Variants in USP37 observed in about 807,000 individuals in gnomAD.
The protein encoded by USP37 is ubiquitin specific peptidase 37.
A neutral mutation model predicts 124.0 loss-of-function variants in USP37; 27 were observed. That is an observed-to-expected ratio of 0.22 (90% confidence interval 0.16 to 0.30). The LOEUF is 0.30. Among genes scored for constraint, USP37 ranks in the 10% least tolerant of loss-of-function variants. The probability of loss-of-function intolerance (pLI) is 1.00; values close to 1 mark genes in which losing one functional copy is unlikely to be tolerated. For synonymous variants in USP37, 365 were observed against 388.0 expected (o/e 0.94, Z 0.70); for missense variants, 889 against 1,140.4 (o/e 0.78, Z 3.17).
chr2:218,486,725 T>C (rs569341378), intron 15 of USP37, among the ~76,000 whole-genome samples: 26 of 152,128 alleles, frequency 1.7e-4, no homozygotes, highest in Non-Finnish European at 3.5e-4. Flanking sequence ...GCCAGATTTT[T>C]TATTTTTTTT....
chr2:218,516,369 A>T (rs1574912694), intron 10 of USP37, among the ~76,000 whole-genome samples: 1 of 152,194 alleles, frequency 6.6e-6, no homozygotes, highest in South Asian at 2.1e-4. Flanking sequence ...CATAAAGAAG[A>T]ATGAGTTCAT....
intron 5 of USP37, among the ~76,000 whole-genome samples, chr2:218,550,905 T>A (rs1248116700): frequency 3.9e-5 from 6 of 152,210 alleles, no homozygotes; most frequent in African/African-American, 7.2e-5. Flanking sequence ...TCTTCCTTTG[T>A]CTTTTGTTCC....
In USP37 at chr2:218,553,586, G is replaced by C. The variant is rs1360958048; in HGVS notation, c.295C>G (p.Leu99Val). The C allele has an allele frequency of 1.2e-6, 2 of 1,613,798 alleles. No homozygotes were observed. The highest frequency in any genetic ancestry group is 1.7e-6 in the Non-Finnish European group (2 of 1,179,854). ...AGTCTGTTTTGATGGACTGCATCTA[G>C]AAACAACCTCATTTCCTCTGCATCC... ...SKDAEEMRLF[L>V]DAVHQNRLPA... Residue 99 changes from leucine (L) to valine (V), a missense_variant, in exon 5 of 26, where the codon CTA becomes GTA. Physicochemically the swap from Leu to Val is conservative, Grantham distance 32. This residue lies in a region of USP37 where 374 missense variants were observed against 386.0 expected (regional missense o/e 0.97). Coordinates refer to ENST00000258399, the MANE Select transcript of USP37 (RefSeq NM_020935.3).
At chr2:218,498,269 A>AC in intron 11 of USP37, 112 bp from the exon 12 acceptor site, 1 of 1,072,264 alleles carries the variant, frequency 9.3e-7, no homozygotes, top group Non-Finnish European at 1.3e-6. Context: ...GGCTTGTTAA[A>AC]CTACATATTA....
intron 8 of USP37, among the ~76,000 whole-genome samples, chr2:218,540,354 A>C (rs1691907347): frequency 6.6e-6 from 1 of 152,092 alleles, no homozygotes; most frequent in African/African-American, 2.4e-5. Flanking sequence ...CCTATGAATT[A>C]GGGCCAGGTG....
intron 20 of USP37, among the ~76,000 whole-genome samples, chr2:218,467,358 T>TCTA (rs1553538435): frequency 5.7e-5 from 8 of 141,240 alleles, no homozygotes; most frequent in Non-Finnish European, 1.2e-4. Context: ...TATCTATCTA[T>TCTA]TTTTTTTTGA....
intron 6 of USP37, among the ~76,000 whole-genome samples, chr2:218,548,235 AAT>A (rs1295897096): frequency 6.6e-6 from 1 of 152,144 alleles, no homozygotes; most frequent in Non-Finnish European, 1.5e-5. Context: ...AATACAAATC[AAT>A]ATTTTACTTT....
rs55656029 is a variant in USP37 at position 218,467,315 on chromosome 2, A to ATATCTATCTATC, written c.2300-1151_2300-1140dup. On this transcript the variant is annotated intron_variant, in intron 20 of 25. Coordinates refer to ENST00000258399, the MANE Select transcript of USP37 (RefSeq NM_020935.3). ...GCCCGCCACCATGCCCAGCTAATCT[A>ATATCTATCTATC]TATCTATCTATCTATCTATCTATCT... Among the ~76,000 whole-genome samples the ATATCTATCTATC allele has an allele frequency of 9.2e-3, 1,298 of 141,712 alleles. 13 individuals carry two copies. The highest frequency in any genetic ancestry group is 0.022 in the East Asian group (102 of 4,742). The allele number at this position is 141,712 out of a possible 152,430, so 93.0% of individuals were successfully genotyped here.
At chr2:218,538,445 T>C (rs1340467876) in intron 8 of USP37, among the ~76,000 whole-genome samples, 1 of 152,220 alleles carries the variant, frequency 6.6e-6, no homozygotes, top group Non-Finnish European at 1.5e-5. Context: ...TGATCTGTTT[T>C]ACATGTTAAT....
At chr2:218,464,743 A>G (rs1443171052) in intron 21 of USP37, among the ~76,000 whole-genome samples, 1 of 152,192 alleles carries the variant, frequency 6.6e-6, no homozygotes, top group Non-Finnish European at 1.5e-5. Flanking sequence ...ACAGTGGAAA[A>G]CAAATGGCAT....
intron 8 of USP37, among the ~76,000 whole-genome samples, chr2:218,541,493 G>A (rs1691971623): frequency 6.6e-6 from 1 of 152,198 alleles, no homozygotes; most frequent in Non-Finnish European, 1.5e-5. Flanking sequence ...AACAACCACA[G>A]TCTGACAAGC....
At chr2:218,531,483 T>A (rs563638897) in intron 9 of USP37, among the ~76,000 whole-genome samples, 1 of 152,234 alleles carries the variant, frequency 6.6e-6, no homozygotes, top group African/African-American at 2.4e-5. Context: ...AGAGCTCTGA[T>A]GGAGACATAC....
chr2:218,536,017 CAAAAAAAAAAAAAA>C (rs59248363), intron 8 of USP37, among the ~76,000 whole-genome samples: 3 of 80,832 alleles, frequency 3.7e-5, no homozygotes, highest in Admixed American at 1.8e-4. Context: ...GACTTCATCT[CAAAAAAAAAAAAAA>C]AAAAAAAAAA....
intron 5 of USP37, among the ~76,000 whole-genome samples, chr2:218,551,940 T>G (rs894987450): frequency 3.9e-5 from 6 of 151,964 alleles, no homozygotes; most frequent in African/African-American, 1.2e-4. Flanking sequence ...CTACAGGCAC[T>G]CGCCACCATG....
At chr2:218,508,269 T>A (rs1689786142) in intron 11 of USP37, among the ~76,000 whole-genome samples, 1 of 146,480 alleles carries the variant, frequency 6.8e-6, no homozygotes, top group Non-Finnish European at 1.5e-5. Flanking sequence ...TCTACTCAGT[T>A]TTTTTTTCTT....
chr2:218,480,868 A>T (rs1691237248), intron 17 of USP37, among the ~76,000 whole-genome samples: 1 of 152,212 alleles, frequency 6.6e-6, no homozygotes. Flanking sequence ...CTGTGAGAGG[A>T]AAAAACCAGA....
intron 10 of USP37, among the ~76,000 whole-genome samples, chr2:218,510,814 G>A (rs1689941740): frequency 6.6e-6 from 1 of 152,018 alleles, no homozygotes; most frequent in Admixed American, 6.6e-5. Context: ...GCAACCTGGC[G>A]AAACTCCATC....
Position 218,488,441 on chromosome 2 carries a change from C to A in USP37, c.1473-20G>T, listed in dbSNP as rs778969240. On this transcript the variant is annotated intron_variant, in intron 14 of 25. Coordinates refer to ENST00000258399, the MANE Select transcript of USP37 (RefSeq NM_020935.3). ...CCACATCTGTAAGAATAAAATGAGA[C>A]ATGTAAGCATTTAGACCAATACACA... The A allele has an allele frequency of 2.0e-6, 3 of 1,509,988 alleles. No individual in the cohort carries two copies. The highest frequency in any genetic ancestry group is 2.7e-6 in the Non-Finnish European group (3 of 1,100,794). The allele number at this position is 1,509,988 out of a possible 1,614,324, so 93.5% of individuals were successfully genotyped here.
intron 5 of USP37, among the ~76,000 whole-genome samples, chr2:218,550,824 T>A (rs1692631053): frequency 6.6e-6 from 1 of 152,080 alleles, no homozygotes; most frequent in East Asian, 1.9e-4. Context: ...CTACTAGTTT[T>A]TTTTTAATTG....
Sources: gnomAD v4.1 joint callset for allele counts (sites outside exome capture counted in the v4.1 genomes callset) on GRCh38, gnomAD v4.1.1 for gene constraint, gnomAD v4.1.1 regional missense constraint, MANE v1.5 for transcripts, NCBI Gene and HGNC (gene_info 2026-07-23, HGNC 2026-07-21) for gene names.